The following HS3ST5 variants were observed in gnomAD, a reference collection of about 807,000 sequenced individuals.
HS3ST5 encodes heparan sulfate-glucosamine 3-sulfotransferase 5.
HS3ST5 carries 10 observed loss-of-function variants against 25.4 expected under a neutral mutation model. The ratio of observed to expected loss-of-function variants is 0.39; its 90% CI spans 0.24 to 0.67. The LOEUF (loss-of-function observed/expected upper bound fraction) is 0.67. Among genes scored for constraint, HS3ST5 ranks in the 30% least tolerant of loss-of-function variants. The pLI is 0.44. For synonymous variants in HS3ST5, 170 were observed against 162.4 expected, an observed-to-expected ratio of 1.05 and a Z score of -0.36; for missense variants, 324 against 420.7, an observed-to-expected ratio of 0.77 and a Z score of 2.01.
chr6:114,313,511 G>T (rs536885927), intron 1 of HS3ST5, among the ~76,000 whole-genome samples: 1 of 152,278 alleles, frequency 6.6e-6, no homozygotes, highest in South Asian at 2.1e-4. Flanking sequence ...GCAATAAAAA[G>T]AAATGAAGTA....
At chr6:114,311,376 G>A (rs538564802) in intron 1 of HS3ST5, among the ~76,000 whole-genome samples, 8 of 152,180 alleles carry the variant, frequency 5.3e-5, no homozygotes, top group African/African-American at 1.7e-4. Context: ...ATTCTGAGTA[G>A]AACGGTTATG....
At chr6:114,213,557 C>T (rs979653693) in intron 2 of HS3ST5, among the ~76,000 whole-genome samples, 5 of 152,072 alleles carry the variant, frequency 3.3e-5, no homozygotes, top group Non-Finnish European at 2.9e-5. Context: ...TTCTGGCTTT[C>T]AGATTAAAGC....
chr6:114,149,136 G>A (rs918111540), intron 3 of HS3ST5, among the ~76,000 whole-genome samples: 2 of 152,190 alleles, frequency 1.3e-5, no homozygotes, highest in Non-Finnish European at 2.9e-5. Flanking sequence ...GTTGGTGGGA[G>A]TGTAAATTAG....
intron 1 of HS3ST5, among the ~76,000 whole-genome samples, chr6:114,328,644 G>C (rs941663967): frequency 6.6e-6 from 1 of 152,236 alleles, no homozygotes; most frequent in African/African-American, 2.4e-5. Flanking sequence ...CTCTGTGTTA[G>C]CAAAGTCACC....
intron 1 of HS3ST5, among the ~76,000 whole-genome samples, chr6:114,238,441 G>C (rs1771956922): frequency 1.3e-5 from 2 of 152,112 alleles, no homozygotes; most frequent in Admixed American, 6.6e-5. Context: ...AAGTTAAAAA[G>C]AAGAATAGGA....
At chr6:114,288,072 C>A (rs1323738997) in intron 1 of HS3ST5, among the ~76,000 whole-genome samples, 1 of 152,048 alleles carries the variant, frequency 6.6e-6, no homozygotes, top group African/African-American at 2.4e-5. Context: ...TTAAGAAAGT[C>A]AGGAATTACT....
At chr6:114,088,410 T>A (rs60638258) in intron 3 of HS3ST5, among the ~76,000 whole-genome samples, 41,241 of 150,598 alleles carry the variant, frequency 0.27, 6,333 homozygotes, top group Admixed American at 0.39. Context: ...TTTTTTTTTT[T>A]AATTTTTCTT....
intron 1 of HS3ST5, among the ~76,000 whole-genome samples, chr6:114,241,339 C>A (rs1025382706): frequency 6.6e-6 from 1 of 152,016 alleles, no homozygotes; most frequent in Non-Finnish European, 1.5e-5. Flanking sequence ...CAGATTAATA[C>A]GGTTAATGTT....
At chr6:114,157,980 A>G (rs1239854889) in intron 3 of HS3ST5, among the ~76,000 whole-genome samples, 1 of 151,932 alleles carries the variant, frequency 6.6e-6, no homozygotes, top group Non-Finnish European at 1.5e-5. Context: ...CTCCTCCCTA[A>G]CCTGATTAAC....
At chr6:114,234,980 G>A (rs949791714) in intron 1 of HS3ST5, among the ~76,000 whole-genome samples, 1 of 151,982 alleles carries the variant, frequency 6.6e-6, no homozygotes, top group South Asian at 2.1e-4. Context: ...AAAATTAGCC[G>A]GGTGTGGTGG....
At chr6:114,084,581 A>G in intron 3 of HS3ST5, 1 of 767,710 alleles carries the variant, frequency 1.3e-6, no homozygotes, top group Admixed American at 1.7e-5. Context: ...GGGATGGCAA[A>G]GTCCACATAG....
chr6:114,244,289 C>A (rs1772280712), intron 1 of HS3ST5, among the ~76,000 whole-genome samples: 1 of 152,048 alleles, frequency 6.6e-6, no homozygotes, highest in Non-Finnish European at 1.5e-5. Flanking sequence ...TGATTTTGTA[C>A]AAATAAATTT....
At chr6:114,278,193 A>G (rs1278316490) in intron 1 of HS3ST5, among the ~76,000 whole-genome samples, 1 of 152,026 alleles carries the variant, frequency 6.6e-6, no homozygotes. Context: ...TGCGATTTAT[A>G]TAGCTCCATA....
At position 114,070,297 on chromosome 6, in the gene HS3ST5, G is replaced by A. The variant is rs529596970; in HGVS notation, c.-32-7420C>T. ...GGGAGATGAAAAAAAAAAAAAAAGA[G>A]GAGAAATGTTTCCATAAAAGGGCAG... is the stretch of plus-strand genomic sequence containing the variant. On this transcript the variant is annotated intron_variant, in intron 3 of 4. Transcript: ENST00000312719. 5.3e-5 allele frequency among the ~76,000 whole-genome samples: 8 copies of A among 151,486 alleles called. No individual in the cohort carries two copies. In the South Asian group the frequency reaches 1.7e-3, roughly 32 times the overall value.
intron 3 of HS3ST5, among the ~76,000 whole-genome samples, chr6:114,092,727 G>A (rs1160923468): frequency 6.7e-6 from 1 of 149,910 alleles, no homozygotes; most frequent in Non-Finnish European, 1.5e-5. Flanking sequence ...CCAGGCTGGA[G>A]TGCAATGGTG....
chr6:114,231,674 C>T (rs1469966600), intron 1 of HS3ST5, among the ~76,000 whole-genome samples: 2 of 151,612 alleles, frequency 1.3e-5, no homozygotes, highest in African/African-American at 4.8e-5. Flanking sequence ...TGTATCTCAA[C>T]CTCTTCCTGC....
rs754905698 is a variant in HS3ST5 at position 114,168,506 on chromosome 6, T to TTTTG, written c.-144-48_-144-45dup. 3.3e-5 allele frequency: 5 copies of TTTTG among 152,362 alleles called. No individual in the cohort carries two copies. In the South Asian group the frequency reaches 1.0e-3, roughly 32 times the overall value. 9.4% of individuals were successfully genotyped at this position (152,362 alleles called of 1,614,324 possible). ...GCAAAGTGATTTTCCAATTAAGTCTTTTTGTTTGTTTGTTTTTGCTGCTTT... is the reference window on the plus strand; with the variant it reads ...GCAAAGTGATTTTCCAATTAAGTCTTTTTGTTTGTTTGTTTGTTTTTGCTGCTTT... On this transcript the variant is annotated intron_variant, in intron 2 of 4. Coordinates refer to ENST00000312719, the MANE Select transcript of HS3ST5 (RefSeq NM_153612.4).
intron 3 of HS3ST5, among the ~76,000 whole-genome samples, chr6:114,090,264 G>A (rs1775054137): frequency 6.6e-6 from 1 of 152,112 alleles, no homozygotes; most frequent in South Asian, 2.1e-4. Flanking sequence ...TTTGCTTGTT[G>A]TTATTTAGAT....
chr6:114,183,653 T>C (rs191400819), intron 2 of HS3ST5, among the ~76,000 whole-genome samples: 1 of 152,228 alleles, frequency 6.6e-6, no homozygotes, highest in East Asian at 1.9e-4. Flanking sequence ...GAAGTGGGCA[T>C]TGGGTAATAA....
Sources: allele counts gnomAD v4.1 joint callset (sites outside exome capture counted in the v4.1 genomes callset), GRCh38; gene constraint gnomAD v4.1.1; transcripts MANE v1.5; gene names NCBI Gene and HGNC (gene_info 2026-07-23, HGNC 2026-07-21).